HSPA13: variants seen among roughly 807,000 people sequenced by gnomAD.
The protein encoded by HSPA13 is heat shock 70 kDa protein 13.
HSPA13 carries 29 observed loss-of-function variants against 38.8 expected under a neutral mutation model. That is an observed-to-expected ratio of 0.75 (90% confidence interval 0.56 to 1.02). The LOEUF (loss-of-function observed/expected upper bound fraction) is 1.02. Ranked by LOEUF, HSPA13 falls within the 50% of genes least tolerant of loss-of-function variation. HSPA13 has a pLI of 0.00. For missense variants in HSPA13, 451 were observed against 560.9 expected (o/e 0.80, Z 1.98); for synonymous variants, 192 against 205.3 (o/e 0.94, Z 0.56).
chr21:14,382,938 A>C (rs1600807932), intron 1 of HSPA13, among the ~76,000 whole-genome samples, 157 bp downstream of exon 1: 1 of 150,968 alleles, frequency 6.6e-6, no homozygotes, highest in African/African-American at 2.4e-5. Context: ...GCCCCCATCC[A>C]CTCCGAACAG....
chr21:14,381,622 A>G, intron 1 of HSPA13, 79 bp from the exon 2 acceptor site: 1 of 1,222,800 alleles, frequency 8.2e-7, no homozygotes, highest in Non-Finnish European at 1.1e-6. Flanking sequence ...AGTCCCTTTA[A>G]TATCACTCGT....
chr21:14,380,120 A>G (rs1264773363), intron 2 of HSPA13, among the ~76,000 whole-genome samples: 1 of 150,996 alleles, frequency 6.6e-6, no homozygotes, highest in Non-Finnish European at 1.5e-5. Flanking sequence ...TGTTTAAAAG[A>G]AAAAAAAAGC....
In HSPA13 at chr21:14,381,440, A is replaced by G; in HGVS notation, c.129T>C (p.Cys43=). 6.2e-7 allele frequency: 1 copy of G among 1,614,170 alleles called. No individual in the cohort carries two copies. Among genetic ancestry groups the G allele is most frequent in the Non-Finnish European group, 8.5e-7 (1 of 1,180,024 alleles). The change falls in exon 2 of 5, where the codon TGT becomes TGC. Residue 43 remains cysteine (C), a synonymous_variant. Coordinates refer to ENST00000285667, the MANE Select transcript of HSPA13 (RefSeq NM_006948.5). ...VIGIDLGTTY[C]SVGVFFPGTG... is the part of the protein sequence containing the mutation. The stretch of plus-strand genomic sequence containing the variant: ...TGCCAGGAAAAAACACCCCAACAGA[A>G]CAATAGGTGGTGCCAAGATCAATAC...
chr21:14,375,526 G>A, intron 4 of HSPA13, 126 bp downstream of exon 4: 1 of 431,336 alleles, frequency 2.3e-6, no homozygotes, highest in Non-Finnish European at 4.1e-6. Flanking sequence ...TAGAGACAGG[G>A]TTTCACCGTG....
At position 14,374,072 on chromosome 21, in the gene HSPA13, G is replaced by A. The variant is rs778449900; in HGVS notation, c.961C>T (p.Pro321Ser). Reference protein sequence around the residue: ...LTVEEQDRKEPHSSDTELPKD... With the variant: ...LTVEEQDRKESHSSDTELPKD... ...GGCAGTTCAGTGTCACTACTGTGAG[G>A]TTCCTTCCTGTCCTGCTCCTCCACC... The change falls in exon 5 of 5, where the codon CCT becomes TCT. Residue 321 changes from proline to serine, a missense_variant. Pro to Ser is a moderately conservative substitution (Grantham distance 74). Coordinates refer to ENST00000285667, the MANE Select transcript of HSPA13 (RefSeq NM_006948.5). 1 of 1,614,020 alleles carries A rather than the reference G, an allele frequency of 6.2e-7. No individual in the cohort carries two copies.
At position 14,373,729 on chromosome 21, in the gene HSPA13, G is replaced by C; in HGVS notation, c.1304C>G (p.Ala435Gly). ...TTGGATAGCCACTCCCGTTACTACT[G>C]CTAGGTCAGGGTCTACAGATGTGTT... ...DPNTSVDPDL[A>G]VVTGVAIQAG... The change falls in exon 5 of 5, where the codon GCA (alanine) becomes GGA (glycine). Residue 435 changes from alanine (A) to glycine (G), a missense_variant. Physicochemically the swap from Ala to Gly is moderately conservative, Grantham distance 60. Transcript: ENST00000285667. The C allele has an allele frequency of 6.2e-7, 1 of 1,614,206 alleles. No individual in the cohort carries two copies. Among genetic ancestry groups the C allele is most frequent in the Non-Finnish European group, 8.5e-7 (1 of 1,180,026 alleles).
intron 3 of HSPA13, among the ~76,000 whole-genome samples, chr21:14,377,725 G>C (rs1009147097): frequency 6.6e-6 from 1 of 152,200 alleles, no homozygotes; most frequent in Non-Finnish European, 1.5e-5. Context: ...GCAGAAGAAT[G>C]TCGGAGGATT....
chr21:14,382,702 C>G (rs1249881838), intron 1 of HSPA13, among the ~76,000 whole-genome samples: 2 of 152,104 alleles, frequency 1.3e-5, no homozygotes, highest in African/African-American at 2.4e-5. Flanking sequence ...ATCCCTGAGC[C>G]GACAGATCCG....
intron 3 of HSPA13, among the ~76,000 whole-genome samples, 187 bp from the exon 4 acceptor site, chr21:14,376,006 T>C: frequency 6.6e-6 from 1 of 152,216 alleles, no homozygotes; most frequent in Non-Finnish European, 1.5e-5. Flanking sequence ...ATGCTATCTT[T>C]AAAATTATTC....
intron 3 of HSPA13, among the ~76,000 whole-genome samples, chr21:14,377,057 C>A (rs1326205084): frequency 2.0e-5 from 3 of 152,142 alleles, no homozygotes; most frequent in African/African-American, 4.8e-5. Flanking sequence ...TGGAGGAGGG[C>A]GCTGCTAGCA....
intron 2 of HSPA13, 86 bp from the exon 3 acceptor site, chr21:14,378,498 G>A (rs576398614): frequency 1.3e-5 from 11 of 818,888 alleles, no homozygotes; most frequent in African/African-American, 3.5e-5. Context: ...TAGATTTCAT[G>A]AGAACTTACC....
rs1982841729 is a variant in HSPA13, at chr21:14,372,158, T to C, written c.*1459A>G. ...GTTGTTGAAATGAATTTGCTCAGTT[T>C]CCTTTTTTGGTGACCAGCATTTCAA... On this transcript the variant is annotated 3_prime_UTR_variant, in exon 5 of 5. Transcript: ENST00000285667. 2 of 152,040 alleles carry C rather than the reference T, an allele frequency of 1.3e-5. No individual in the cohort carries two copies. Among genetic ancestry groups the C allele is most frequent in the Admixed American group, 6.6e-5 (1 of 15,266 alleles). 9.4% of individuals were successfully genotyped at this position (152,040 alleles called of 1,614,324 possible).
At position 14,373,590 on chromosome 21, in the gene HSPA13, C is replaced by T; in HGVS notation, c.*27G>A. 1 of 1,555,010 alleles carries T rather than the reference C, an allele frequency of 6.4e-7. No homozygotes were observed. Among genetic ancestry groups the T allele is most frequent in the Non-Finnish European group, 8.7e-7 (1 of 1,143,332 alleles). ...ATGGGAAGAGATCATCAGACAAGTTCACAAATAACCATTATTTCTGCAGAA... is the reference window on the plus strand; with the variant it reads ...ATGGGAAGAGATCATCAGACAAGTTTACAAATAACCATTATTTCTGCAGAA... On this transcript the variant is annotated 3_prime_UTR_variant, in exon 5 of 5. Coordinates refer to ENST00000285667, the MANE Select transcript of HSPA13 (RefSeq NM_006948.5).
At chr21:14,375,220 T>C (rs2123523064) in intron 4 of HSPA13, among the ~76,000 whole-genome samples, 1 of 152,324 alleles carries the variant, frequency 6.6e-6, no homozygotes, top group African/African-American at 2.4e-5. Flanking sequence ...CTCTGTTCCC[T>C]TTCTTCACCA....
In HSPA13 at chr21:14,373,577, C is replaced by T; in HGVS notation, c.*40G>A. On this transcript the variant is annotated 3_prime_UTR_variant, in exon 5 of 5. Transcript: ENST00000285667. ...GGTAATCTGATAAATGGGAAGAGATCATCAGACAAGTTCACAAATAACCAT... is the reference window on the plus strand; with the variant it reads ...GGTAATCTGATAAATGGGAAGAGATTATCAGACAAGTTCACAAATAACCAT... 2.0e-6 allele frequency: 3 copies of T among 1,477,348 alleles called. No homozygotes were observed. Among genetic ancestry groups the T allele is most frequent in the Non-Finnish European group, 2.8e-6 (3 of 1,080,904 alleles). 91.5% of individuals were successfully genotyped at this position (1,477,348 alleles called of 1,614,324 possible). A position where few individuals can be genotyped will look rare whatever the true frequency, so the allele number is the denominator to read the frequency against.
chr21:14,374,848 A>AT (rs1983980229), intron 4 of HSPA13, among the ~76,000 whole-genome samples: 1 of 151,796 alleles, frequency 6.6e-6, no homozygotes, highest in Non-Finnish European at 1.5e-5. Context: ...TTTTCCTTTC[A>AT]TTTTTTCTTG....
Position 14,374,035 on chromosome 21 carries a change from A to G in HSPA13, c.998T>C (p.Leu333Pro). 6.2e-7 allele frequency: 1 copy of G among 1,614,216 alleles called. No individual in the cohort carries two copies. Among genetic ancestry groups the G allele is most frequent in the Non-Finnish European group, 8.5e-7 (1 of 1,180,038 alleles). Residue 333 changes from leucine (L) to proline (P), a missense_variant, in exon 5 of 5, where the codon CTT becomes CCT. Physicochemically the swap from Leu to Pro is moderately conservative, Grantham distance 98. Coordinates refer to ENST00000285667, the MANE Select transcript of HSPA13 (RefSeq NM_006948.5). Reference sequence around the variant, plus strand: ...CACGCGATGGTCATCTGCTGAGGAAAGTTTGTCTTTTGGCAGTTCAGTGTC... The same window carrying G: ...CACGCGATGGTCATCTGCTGAGGAAGGTTTGTCTTTTGGCAGTTCAGTGTC... Reference protein sequence around the residue: ...SSDTELPKDKLSSADDHRVNS... With the variant: ...SSDTELPKDKPSSADDHRVNS...
At chr21:14,381,598 A>C (rs1365831318) in intron 1 of HSPA13, 55 bp from the exon 2 acceptor site, 2 of 1,383,110 alleles carry the variant, frequency 1.4e-6, no homozygotes, top group Non-Finnish European at 9.7e-7. Context: ...CAATGTACTA[A>C]ATTACTGTAG....
chr21:14,375,268 T>C (rs763652210), intron 4 of HSPA13, among the ~76,000 whole-genome samples: 2 of 152,160 alleles, frequency 1.3e-5, no homozygotes, highest in Non-Finnish European at 2.9e-5. Flanking sequence ...TGAGCCGTAA[T>C]TGGGTAACTG....
Sources: gnomAD v4.1 joint callset for allele counts (sites outside exome capture counted in the v4.1 genomes callset) on GRCh38, gnomAD v4.1.1 for gene constraint, MANE v1.5 for transcripts, NCBI Gene and HGNC (gene_info 2026-07-23, HGNC 2026-07-21) for gene names.